VAV3: variants seen among roughly 807,000 people sequenced by gnomAD.
VAV3 encodes guanine nucleotide exchange factor VAV3.
In VAV3, 94 loss-of-function variants were observed where a neutral mutation model predicts 131.2. The ratio of observed to expected loss-of-function variants is 0.72; its 90% CI spans 0.61 to 0.85. The LOEUF (loss-of-function observed/expected upper bound fraction) is 0.85, where lower values mean the gene tolerates loss of function less well. Among genes scored for constraint, VAV3 ranks in the 40% least tolerant of loss-of-function variants. VAV3 has a pLI of 0.00. For missense variants in VAV3, 939 were observed against 1,002.7 expected, an observed-to-expected ratio of 0.94 and a Z score of 0.86; for synonymous variants, 349 against 342.0, an observed-to-expected ratio of 1.02 and a Z score of -0.22.
intron 2 of VAV3, among the ~76,000 whole-genome samples, chr1:107,787,156 C>A (rs928330366): frequency 3.9e-5 from 6 of 152,168 alleles, no homozygotes; most frequent in Non-Finnish European, 8.8e-5. Flanking sequence ...CCAGGTTAAA[C>A]AACTAATAGT....
chr1:107,839,351 A>G lies in VAV3; in HGVS notation c.321+35550T>C, dbSNP rs1024607072. On this transcript the variant is annotated intron_variant, in intron 2 of 26. Coordinates refer to ENST00000370056, the MANE Select transcript of VAV3 (RefSeq NM_006113.5). ...AAAGTATGTTCTCAGACAATATGGA[A>G]CTAAACTAGAAATCAACAACAGAAA... Among the ~76,000 whole-genome samples, 5 of 152,278 alleles carry G rather than the reference A, an allele frequency of 3.3e-5. No individual in the cohort carries two copies. In the South Asian group the frequency reaches 6.2e-4, roughly 19 times the overall value.
At chr1:107,724,327 T>C (rs982997643) in intron 15 of VAV3, among the ~76,000 whole-genome samples, 1 of 151,860 alleles carries the variant, frequency 6.6e-6, no homozygotes, top group East Asian at 1.9e-4. Flanking sequence ...CCTAGATTAC[T>C]GTAGTGTATA....
chr1:107,934,948 T>C (rs17020405), intron 1 of VAV3, among the ~76,000 whole-genome samples: 4,766 of 152,310 alleles, frequency 0.031, 245 homozygotes, highest in African/African-American at 0.11. Flanking sequence ...GAAGAGTTGG[T>C]AGTACATGAA....
intron 17 of VAV3, among the ~76,000 whole-genome samples, chr1:107,688,899 A>T (rs922125805): frequency 1.3e-5 from 2 of 152,132 alleles, no homozygotes; most frequent in Non-Finnish European, 2.9e-5. Flanking sequence ...TTTATTTTTA[A>T]TTTTGGCAGA....
chr1:107,596,090 C>T, intron 25 of VAV3, 122 bp downstream of exon 25: 2 of 1,318,418 alleles, frequency 1.5e-6, no homozygotes, highest in African/African-American at 1.5e-5. Context: ...GAAAAGAAGT[C>T]CTTGCTCATG....
At chr1:107,586,440 A>C (rs1445277834) in intron 25 of VAV3, among the ~76,000 whole-genome samples, 1 of 152,194 alleles carries the variant, frequency 6.6e-6, no homozygotes, top group African/African-American at 2.4e-5. Context: ...AAGTGCTTGG[A>C]TTCGACTGAA....
In VAV3 at chr1:107,708,060, T is replaced by C. The variant is rs181408288; in HGVS notation, c.1503-2999A>G. 8.3e-4 allele frequency among the ~76,000 whole-genome samples: 126 copies of C among 152,316 alleles called. No individual in the cohort carries two copies. The Middle Eastern group carries it at 0.014, about 16-fold the overall frequency. On this transcript the variant is annotated intron_variant, in intron 15 of 26. Coordinates refer to ENST00000370056, the MANE Select transcript of VAV3 (RefSeq NM_006113.5). The stretch of plus-strand genomic sequence containing the variant: ...AAGTATTTATTGAGTAACTACCATA[T>C]GCACAAGCCCTTGGGCAGGAACAGA...
rs889686446 is a variant in VAV3, at chr1:107,704,387, T to G, written c.1705+163A>C. 2.0e-5 allele frequency among the ~76,000 whole-genome samples: 3 copies of G among 152,188 alleles called. No homozygotes were observed. In the East Asian group the frequency reaches 5.8e-4, roughly 29 times the overall value. ...TTTAAAACAAAGTTATGCAGAAAAC[T>G]CACGTAAATTTTAAGCATTTTTCTA... On this transcript the variant is annotated intron_variant, in intron 17 of 26. Transcript: ENST00000370056.
intron 20 of VAV3, among the ~76,000 whole-genome samples, chr1:107,629,895 A>T (rs1374535562): frequency 1.3e-5 from 2 of 152,208 alleles, no homozygotes; most frequent in African/African-American, 4.8e-5. Context: ...TGTGGAAAAC[A>T]TGACAGTCTA....
At chr1:107,922,594 C>T (rs1371591620) in intron 1 of VAV3, among the ~76,000 whole-genome samples, 1 of 152,066 alleles carries the variant, frequency 6.6e-6, no homozygotes, top group Non-Finnish European at 1.5e-5. Flanking sequence ...TAAGAGGAAA[C>T]ATTTTACATC....
At chr1:107,725,309 C>T (rs1661774123) in intron 15 of VAV3, among the ~76,000 whole-genome samples, 1 of 152,108 alleles carries the variant, frequency 6.6e-6, no homozygotes, top group Admixed American at 6.5e-5. Flanking sequence ...TCATCACTAG[C>T]AGATCCTTAA....
intron 2 of VAV3, among the ~76,000 whole-genome samples, chr1:107,843,096 T>C (rs1282165587): frequency 6.6e-6 from 1 of 152,006 alleles, no homozygotes; most frequent in Admixed American, 6.6e-5. Flanking sequence ...GTTTGGCTGT[T>C]CCAATTTATC....
At chr1:107,838,949 G>A (rs959278404) in intron 2 of VAV3, among the ~76,000 whole-genome samples, 1 of 152,082 alleles carries the variant, frequency 6.6e-6, no homozygotes, top group African/African-American at 2.4e-5. Context: ...GACTACTAGA[G>A]CAAGGAGAGG....
chr1:107,720,818 G>C (rs1661451587), intron 15 of VAV3, among the ~76,000 whole-genome samples: 1 of 152,210 alleles, frequency 6.6e-6, no homozygotes. Context: ...AAGGAGGTGA[G>C]AACTTGAGCA....
intron 2 of VAV3, among the ~76,000 whole-genome samples, chr1:107,864,986 C>T (rs1476968017): frequency 6.6e-6 from 1 of 152,090 alleles, no homozygotes; most frequent in East Asian, 1.9e-4. Context: ...TGAGCCTTAC[C>T]CCCTGCCCCA....
chr1:107,717,231 A>G lies in VAV3; in HGVS notation c.1503-12170T>C, dbSNP rs1457784998. Among the ~76,000 whole-genome samples, 5 of 151,932 alleles carry G rather than the reference A, an allele frequency of 3.3e-5. No homozygotes were observed. The East Asian group carries it at 9.7e-4, about 29-fold the overall frequency. ...TTTTTGAAGGGTTTTGTGTGTCTCT[A>G]TTTCCTTTAGTTCTGCTCTAATCTT... On this transcript the variant is annotated intron_variant, in intron 15 of 26. Coordinates refer to ENST00000370056, the MANE Select transcript of VAV3 (RefSeq NM_006113.5).
chr1:107,698,954 T>C (rs910996398), intron 17 of VAV3, among the ~76,000 whole-genome samples: 36 of 152,086 alleles, frequency 2.4e-4, no homozygotes, highest in African/African-American at 8.7e-4. Context: ...CCTCCCTTGA[T>C]ATGTGGGGAT....
At chr1:107,613,758 T>G (rs1652930844) in intron 21 of VAV3, among the ~76,000 whole-genome samples, 2 of 152,154 alleles carry the variant, frequency 1.3e-5, no homozygotes, top group South Asian at 4.1e-4. Flanking sequence ...CCTAGGACTT[T>G]ATGTTAAAAA....
intron 17 of VAV3, among the ~76,000 whole-genome samples, chr1:107,692,289 C>T (rs922794367): frequency 6.6e-6 from 1 of 152,036 alleles, no homozygotes; most frequent in African/African-American, 2.4e-5. Flanking sequence ...ATAAATAATA[C>T]TTAGAAAGAG....
Sources: allele counts gnomAD v4.1 joint callset (sites outside exome capture counted in the v4.1 genomes callset), GRCh38; gene constraint gnomAD v4.1.1; transcripts MANE v1.5; gene names NCBI Gene and HGNC (gene_info 2026-07-23, HGNC 2026-07-21).